Variants in ZNF841 observed in about 807,000 individuals in gnomAD.
ZNF841 encodes the protein TCONS_00006091.
ZNF841 carries 11 observed loss-of-function variants against 13.0 expected under a neutral mutation model. The ratio of observed to expected loss-of-function variants is 0.85; its 90% CI spans 0.53 to 1.40. The LOEUF (loss-of-function observed/expected upper bound fraction) is 1.40. ZNF841 is among the 40% of genes most tolerant of loss of function. ZNF841 has a pLI of 0.00. For synonymous variants in ZNF841, 369 were observed against 381.6 expected, an observed-to-expected ratio of 0.97 and a Z score of 0.38; for missense variants, 1,068 against 1,139.5, an observed-to-expected ratio of 0.94 and a Z score of 0.90.
chr19:52,083,284 C>A (rs868358923), intron 4 of ZNF841, among the ~76,000 whole-genome samples: 9 of 151,896 alleles, frequency 5.9e-5, no homozygotes, highest in Middle Eastern at 3.4e-3. Flanking sequence ...AACCTGGGTT[C>A]CTCTGGGTGG....
intron 6 of ZNF841, among the ~76,000 whole-genome samples, chr19:52,070,217 T>C (rs2087700265): frequency 6.6e-6 from 1 of 152,208 alleles, no homozygotes; most frequent in South Asian, 2.1e-4. Context: ...CAAGAGCCAT[T>C]TTGTGTAGAG....
chr19:52,088,289 T>C (rs745620189), intron 3 of ZNF841, among the ~76,000 whole-genome samples: 1 of 152,172 alleles, frequency 6.6e-6, no homozygotes, highest in Non-Finnish European at 1.5e-5. Context: ...TAGAACAATA[T>C]GAGTTTGGAT....
Position 52,079,453 on chromosome 19 carries a change from A to C in ZNF841, c.16-2369T>G, listed in dbSNP as rs10409103. Reference sequence around the variant, plus strand: ...CTGTAAAAAAAAAAAAAAAAAAAAAACCCAAAAACTGTTAAGGAAAAATAT... The same window carrying C: ...CTGTAAAAAAAAAAAAAAAAAAAAACCCCAAAAACTGTTAAGGAAAAATAT... On this transcript the variant is annotated intron_variant, in intron 4 of 6. Coordinates refer to ENST00000594440, the MANE Select transcript of ZNF841 (RefSeq NM_001136499.2). 9.0e-3 allele frequency among the ~76,000 whole-genome samples: 1,301 copies of C among 145,016 alleles called. 7 individuals are homozygous for C. The highest frequency in any genetic ancestry group is 0.031 in the African/African-American group (1,198 of 38,938).
chr19:52,069,700 G>A (rs2087686960), intron 6 of ZNF841, among the ~76,000 whole-genome samples: 1 of 152,080 alleles, frequency 6.6e-6, no homozygotes, highest in South Asian at 2.1e-4. Flanking sequence ...CAATCTCTCT[G>A]CCACATGAGA....
In ZNF841 at chr19:52,065,657, C is replaced by T. The variant is rs2087528167; in HGVS notation, c.2225G>A (p.Cys742Tyr). ...TGEMPYKCIE[C>Y]GKVFNSTTTL... ...TGTAGTGGAGTTAAAGACTTTCCCA[C>T]ATTCAATACATTTGTATGGCATCTC... The change falls in exon 7 of 7, where the codon TGT (cysteine) becomes TAT (tyrosine). Residue 742 changes from cysteine (C) to tyrosine (Y), a missense_variant. Cys to Tyr is a radical substitution (Grantham distance 194). Transcript: ENST00000594440. The T allele has an allele frequency of 1.9e-6, 3 of 1,604,622 alleles. No individual in the cohort carries two copies. Among genetic ancestry groups the T allele is most frequent in the African/African-American group, 1.3e-5 (1 of 74,710 alleles).
At chr19:52,085,618 A>G (rs917400559) in intron 3 of ZNF841, among the ~76,000 whole-genome samples, 8 of 152,224 alleles carry the variant, frequency 5.3e-5, no homozygotes, top group African/African-American at 1.7e-4. Context: ...ATATCAGAAC[A>G]AAGACCTCAA....
chr19:52,081,304 AAC>A (rs1320302539), intron 4 of ZNF841, among the ~76,000 whole-genome samples: 1 of 152,244 alleles, frequency 6.6e-6, no homozygotes, highest in African/African-American at 2.4e-5. Context: ...ATACGTGTTC[AAC>A]ACAGATGAAA....
At chr19:52,074,282 AAAAC>A (rs2087826978) in intron 6 of ZNF841, among the ~76,000 whole-genome samples, 1 of 152,392 alleles carries the variant, frequency 6.6e-6, no homozygotes, top group East Asian at 1.9e-4. Context: ...TAAATAAATA[AAAAC>A]AAAGTTCATT....
intron 2 of ZNF841, among the ~76,000 whole-genome samples, chr19:52,090,558 C>G (rs905815254): frequency 1.3e-5 from 2 of 150,704 alleles, no homozygotes; most frequent in Non-Finnish European, 2.9e-5. Context: ...ATGATCGCCC[C>G]ACTGCATGCC....
At chr19:52,077,795 GAAC>G (rs1344859859) in intron 4 of ZNF841, among the ~76,000 whole-genome samples, 1 of 152,172 alleles carries the variant, frequency 6.6e-6, no homozygotes, top group Non-Finnish European at 1.5e-5. Context: ...ACTAACTTAT[GAAC>G]AACAGAAATG....
downstream of ZNF841, chr19:52,064,352 C>CAAAAAAAAA (rs1568532352): frequency 1.4e-3 from 69 of 48,962 alleles, 5 homozygotes; most frequent in East Asian, 5.4e-3. Context: ...GACTCCGTCT[C>CAAAAAAAAA]CAAAAAAAAA....
downstream of ZNF841, among the ~76,000 whole-genome samples, chr19:52,061,630 T>C (rs1334614498): frequency 6.6e-6 from 1 of 152,128 alleles, no homozygotes; most frequent in Non-Finnish European, 1.5e-5. Context: ...CACTGCAACC[T>C]CCACCTCCCA....
chr19:52,061,397 A>C (rs1442450162), downstream of ZNF841, among the ~76,000 whole-genome samples: 1 of 152,172 alleles, frequency 6.6e-6, no homozygotes, highest in Non-Finnish European at 1.5e-5. Context: ...ATTTTGCAAG[A>C]GGCAGGGCAA....
At chr19:52,092,903 G>T (rs1165935870) in intron 2 of ZNF841, among the ~76,000 whole-genome samples, 2 of 152,318 alleles carry the variant, frequency 1.3e-5, no homozygotes, top group East Asian at 3.9e-4. Flanking sequence ...GGCAGATCAC[G>T]AGGTCAGGAG....
Position 52,064,529 on chromosome 19 carries a change from G to A in ZNF841, c.*578C>T, listed in dbSNP as rs182265612. Reference sequence around the variant, plus strand: ...GCTTTATAGGAAACATGGCGCTGACGTCTGTTCACCCTCTCGGGAAACCTG... The same window carrying A: ...GCTTTATAGGAAACATGGCGCTGACATCTGTTCACCCTCTCGGGAAACCTG... On this transcript the variant is annotated 3_prime_UTR_variant, in exon 7 of 7. Transcript: ENST00000594440. 1.1e-3 allele frequency: 169 copies of A among 153,782 alleles called. No homozygotes were observed. The highest frequency in any genetic ancestry group is 1.9e-3 in the Non-Finnish European group (131 of 68,054). 9.5% of individuals were successfully genotyped at this position (153,782 alleles called of 1,614,324 possible). A position where few individuals can be genotyped will look rare whatever the true frequency, so the allele number is the denominator to read the frequency against.
At chr19:52,075,085 A>C (rs1389317494) in intron 6 of ZNF841, among the ~76,000 whole-genome samples, 1 of 152,046 alleles carries the variant, frequency 6.6e-6, no homozygotes, top group African/African-American at 2.4e-5. Flanking sequence ...CAGTAAACTC[A>C]CTCCATACAA....
chr19:52,075,424 T>C (rs932835515), intron 6 of ZNF841, among the ~76,000 whole-genome samples: 1 of 152,148 alleles, frequency 6.6e-6, no homozygotes, highest in Non-Finnish European at 1.5e-5. Context: ...TTCTTATATG[T>C]AACAATCTCA....
At position 52,084,895 on chromosome 19, in the gene ZNF841, T is replaced by C; in HGVS notation, c.-77-17A>G. 3 of 1,354,514 alleles carry C rather than the reference T, an allele frequency of 2.2e-6. No individual in the cohort carries two copies. Among genetic ancestry groups the C allele is most frequent in the Non-Finnish European group, 3.0e-6 (3 of 985,264 alleles). The allele number at this position is 1,354,514 out of a possible 1,614,324, so 83.9% of individuals were successfully genotyped here. A position where few individuals can be genotyped will look rare whatever the true frequency, so the allele number is the denominator to read the frequency against. ...AAGTCAAATCTGAAAGTCAAAAATATGTTGTTTAATCCTTGGAAACAACAC... is the reference window on the plus strand; with the variant it reads ...AAGTCAAATCTGAAAGTCAAAAATACGTTGTTTAATCCTTGGAAACAACAC... On this transcript the variant is annotated splice_polypyrimidine_tract_variant and intron_variant, in intron 3 of 6. Coordinates refer to ENST00000594440, the MANE Select transcript of ZNF841 (RefSeq NM_001136499.2).
chr19:52,069,743 G>A (rs1465681755), intron 6 of ZNF841, among the ~76,000 whole-genome samples: 2 of 152,082 alleles, frequency 1.3e-5, no homozygotes, highest in Non-Finnish European at 2.9e-5. Flanking sequence ...CCAGAAAAAA[G>A]TCCACACCAA....
Sources: gnomAD v4.1 joint callset for allele counts (sites outside exome capture counted in the v4.1 genomes callset) on GRCh38, gnomAD v4.1.1 for gene constraint, MANE v1.5 for transcripts, NCBI Gene and HGNC (gene_info 2026-07-23, HGNC 2026-07-21) for gene names.